RBFOX1: variants seen among roughly 807,000 people sequenced by gnomAD.
RBFOX1 encodes the protein RNA binding protein fox-1 homolog 1.
In RBFOX1, 8 loss-of-function variants were observed where a neutral mutation model predicts 57.7. That is an observed-to-expected ratio of 0.14 (90% CI 0.08 to 0.25). The LOEUF is 0.25. Among genes scored for constraint, RBFOX1 ranks in the 10% least tolerant of loss-of-function variants. RBFOX1 has a pLI of 1.00. For synonymous variants in RBFOX1, 326 were observed against 222.4 expected, an observed-to-expected ratio of 1.47 and a Z score of -4.15; for missense variants, 611 against 548.5, an observed-to-expected ratio of 1.11 and a Z score of -1.14.
intron 4 of RBFOX1, among the ~76,000 whole-genome samples, chr16:5,941,894 A>G (rs1020189774): frequency 6.6e-6 from 1 of 151,808 alleles, no homozygotes; most frequent in Non-Finnish European, 1.5e-5. Context: ...TGCTTCAGAA[A>G]AATAAGGAAA....
intron 4 of RBFOX1, among the ~76,000 whole-genome samples, chr16:7,073,565 T>A (rs1037935362): frequency 2.0e-5 from 3 of 152,152 alleles, no homozygotes. Context: ...ATACCATGGC[T>A]GGTGTGGAGG....
rs146831804 is a variant in RBFOX1, at chr16:7,533,186, C to A, written c.270+14797C>A. 2.6e-5 allele frequency among the ~76,000 whole-genome samples: 4 copies of A among 152,232 alleles called. No individual in the cohort carries two copies. In the East Asian group the frequency reaches 5.8e-4, roughly 22 times the overall value. On this transcript the variant is annotated intron_variant, in intron 5 of 15. Coordinates refer to ENST00000550418, the MANE Select transcript of RBFOX1 (RefSeq NM_018723.4). ...ACTTGAGTATGATACTCTTTCAGGTCGTCTGGGTTGTTTTTAATAAAAGAT... is the reference window on the plus strand; with the variant it reads ...ACTTGAGTATGATACTCTTTCAGGTAGTCTGGGTTGTTTTTAATAAAAGAT...
At chr16:5,389,167 G>A (rs1051372775) in intron 1 of RBFOX1, among the ~76,000 whole-genome samples, 3 of 150,476 alleles carry the variant, frequency 2.0e-5, no homozygotes, top group African/African-American at 7.4e-5. Context: ...CTCCAGCCTG[G>A]GCGACAGAGC....
At chr16:7,377,443 CATT>C (rs2097705071) in intron 4 of RBFOX1, among the ~76,000 whole-genome samples, 1 of 152,182 alleles carries the variant, frequency 6.6e-6, no homozygotes, top group South Asian at 2.1e-4. Flanking sequence ...ATCATTTCAT[CATT>C]AAGATATATT....
At chr16:7,503,881 ATGGCAGTGGTGATGGTTGG>A (rs1056192798) in intron 4 of RBFOX1, among the ~76,000 whole-genome samples, 1 of 152,134 alleles carries the variant, frequency 6.6e-6, no homozygotes, top group Non-Finnish European at 1.5e-5. Context: ...TCAGGAATGG[ATGGCAGTGGTGATGGTTGG>A]TTGGTATTGA....
rs528377243 is a variant in RBFOX1, at chr16:5,293,909, C to G, written c.219+53804C>G. Reference sequence around the variant, plus strand: ...TGAAGTGTATGCTTTCACACAGGGACTTGTATGTTGTGTGAATTTTGCCTC... The same window carrying G: ...TGAAGTGTATGCTTTCACACAGGGAGTTGTATGTTGTGTGAATTTTGCCTC... On this transcript the variant is annotated intron_variant, in intron 1 of 2. Transcript: ENST00000585867. Among the ~76,000 whole-genome samples the G allele has an allele frequency of 1.1e-4, 16 of 152,264 alleles. No homozygotes were observed. The East Asian group carries it at 3.1e-3, about 29-fold the overall frequency.
chr16:6,538,724 C>G (rs370199994), intron 2 of RBFOX1, among the ~76,000 whole-genome samples: 1 of 152,132 alleles, frequency 6.6e-6, no homozygotes, highest in Non-Finnish European at 1.5e-5. Context: ...TAACTTTTGA[C>G]GACTGAATGT....
chr16:6,651,285 C>G (rs1220088050), intron 2 of RBFOX1, among the ~76,000 whole-genome samples: 1 of 152,206 alleles, frequency 6.6e-6, no homozygotes, highest in Non-Finnish European at 1.5e-5. Context: ...GGCCAGGCTA[C>G]AGACCGTGCA....
At chr16:6,325,472 G>A (rs928718863) in intron 2 of RBFOX1, among the ~76,000 whole-genome samples, 7 of 152,134 alleles carry the variant, frequency 4.6e-5, no homozygotes, top group African/African-American at 9.7e-5. Context: ...ATCGTTCACC[G>A]GTTACCAACT....
At chr16:6,452,202 T>TCTTCCTTCCATGACTCCACGCATGGCTC (rs2094645229) in intron 2 of RBFOX1, among the ~76,000 whole-genome samples, 8 of 121,836 alleles carry the variant, frequency 6.6e-5, no homozygotes, top group Non-Finnish European at 1.2e-4. Flanking sequence ...ACCCATGGCT[T>TCTTCCTTCCATGACTCCACGCATGGCTC]CTTCCTTCCA....
chr16:5,522,493 G>C (rs1398985371), intron 2 of RBFOX1, among the ~76,000 whole-genome samples: 1 of 152,028 alleles, frequency 6.6e-6, no homozygotes, highest in Admixed American at 6.6e-5. Context: ...ATCAGGATGG[G>C]GTACCTAAGA....
chr16:6,139,802 C>A (rs1247023552), intron 1 of RBFOX1, among the ~76,000 whole-genome samples: 2 of 151,656 alleles, frequency 1.3e-5, no homozygotes, highest in Non-Finnish European at 2.9e-5. Flanking sequence ...CTGTCCTGTT[C>A]CCCATTTTTA....
chr16:7,613,449 T>A (rs2057906985), intron 10 of RBFOX1, among the ~76,000 whole-genome samples: 1 of 152,194 alleles, frequency 6.6e-6, no homozygotes, highest in Admixed American at 6.5e-5. Context: ...TCACCTCGAC[T>A]GATTATATCC....
intron 3 of RBFOX1, among the ~76,000 whole-genome samples, chr16:6,972,132 A>G (rs1353716574): frequency 6.6e-6 from 1 of 152,162 alleles, no homozygotes; most frequent in African/African-American, 2.4e-5. Flanking sequence ...CATCTTAACC[A>G]TTTGTAAGAA....
chr16:6,849,294 A>G (rs557712530), intron 3 of RBFOX1, among the ~76,000 whole-genome samples: 2 of 152,216 alleles, frequency 1.3e-5, no homozygotes, highest in African/African-American at 2.4e-5. Flanking sequence ...TATTCTGCTC[A>G]TTGGCAAAAA....
At chr16:7,266,287 G>A (rs2095138853) in intron 4 of RBFOX1, among the ~76,000 whole-genome samples, 1 of 151,884 alleles carries the variant, frequency 6.6e-6, no homozygotes, top group African/African-American at 2.4e-5. Context: ...TAGAGATGTG[G>A]TGATTTTAAA....
chr16:6,185,614 C>G (rs762285401), intron 1 of RBFOX1, among the ~76,000 whole-genome samples: 1 of 152,184 alleles, frequency 6.6e-6, no homozygotes, highest in Non-Finnish European at 1.5e-5. Context: ...CCAATGTACA[C>G]AGAGCATTTA....
Position 6,831,385 on chromosome 16 carries a change from T to C in RBFOX1, c.-16+176735T>C, listed in dbSNP as rs545008817. The stretch of plus-strand genomic sequence containing the variant: ...TAGATTTTACTGAGTTAACATATTT[T>C]AGTTGTGTTACCTATGCAAAAAACA... On this transcript the variant is annotated intron_variant, in intron 3 of 15. Transcript: ENST00000550418. Among the ~76,000 whole-genome samples the C allele has an allele frequency of 4.6e-5, 7 of 152,338 alleles. No homozygotes were observed. In the East Asian group the frequency reaches 1.4e-3, roughly 29 times the overall value.
chr16:7,707,767 G>C (rs375715551), intron 14 of RBFOX1, among the ~76,000 whole-genome samples: 8 of 152,188 alleles, frequency 5.3e-5, no homozygotes, highest in African/African-American at 1.9e-4. Flanking sequence ...ACCTGCTGTA[G>C]CATGAAACCC....
Sources: allele counts gnomAD v4.1 joint callset (sites outside exome capture counted in the v4.1 genomes callset), GRCh38; gene constraint gnomAD v4.1.1; transcripts MANE v1.5; gene names NCBI Gene and HGNC (gene_info 2026-07-23, HGNC 2026-07-21).